The following RGS17 variants were observed in gnomAD, a reference collection of about 807,000 sequenced individuals.
RGS17 encodes regulator of G-protein signaling 17.
RGS17 carries 12 observed loss-of-function variants against 25.5 expected under a neutral mutation model. The observed-to-expected ratio is 0.47, with a 90% CI of 0.30 to 0.76. The LOEUF (loss-of-function observed/expected upper bound fraction) is 0.76, where lower values mean the gene tolerates loss of function less well. RGS17 is among the 30% of genes least tolerant of loss of function. The pLI is 0.07. For synonymous variants in RGS17, 71 were observed against 76.9 expected (o/e 0.92, Z 0.40); for missense variants, 196 against 242.2 (o/e 0.81, Z 1.27).
At chr6:153,038,988 A>C (rs1013152235) in intron 2 of RGS17, among the ~76,000 whole-genome samples, 7 of 152,216 alleles carry the variant, frequency 4.6e-5, no homozygotes, top group African/African-American at 1.7e-4. Flanking sequence ...AGCTTTCAAA[A>C]GGCTAGTTAA....
chr6:153,063,312 G>A (rs538956452), intron 1 of RGS17, among the ~76,000 whole-genome samples: 65 of 152,202 alleles, frequency 4.3e-4, no homozygotes, highest in Admixed American at 7.9e-4. Context: ...CAGTTTTGAG[G>A]AAACCCAAAG....
At chr6:153,078,581 T>C (rs918172115) in intron 1 of RGS17, among the ~76,000 whole-genome samples, 1 of 145,330 alleles carries the variant, frequency 6.9e-6, no homozygotes, top group Non-Finnish European at 1.5e-5. Flanking sequence ...CTTTTAAAAG[T>C]TGGTGTCATA....
chr6:153,055,455 G>T (rs1305459214), intron 1 of RGS17, among the ~76,000 whole-genome samples: 1 of 152,180 alleles, frequency 6.6e-6, no homozygotes, highest in Non-Finnish European at 1.5e-5. Context: ...TATAGAGGAA[G>T]AGTGTCAAAA....
rs1779067990 is a variant in RGS17, at chr6:153,005,656, C to G, written c.*5918G>C. 6.6e-6 allele frequency: 1 copy of G among 152,134 alleles called. No individual in the cohort carries two copies. Among genetic ancestry groups the G allele is most frequent in the African/African-American group, 2.4e-5 (1 of 41,416 alleles). 9.4% of individuals were successfully genotyped at this position (152,134 alleles called of 1,614,324 possible). On this transcript the variant is annotated 3_prime_UTR_variant, in exon 5 of 5. Coordinates refer to ENST00000206262, the MANE Select transcript of RGS17 (RefSeq NM_012419.5). Reference sequence around the variant, plus strand: ...TCTTTCAAAAACCAAAAACCTGTGTCTAGTCACGAGAAAAACATCAGACGA... The same window carrying G: ...TCTTTCAAAAACCAAAAACCTGTGTGTAGTCACGAGAAAAACATCAGACGA...
chr6:153,092,099 TA>T (rs1465201835), intron 1 of RGS17, among the ~76,000 whole-genome samples: 1 of 152,174 alleles, frequency 6.6e-6, no homozygotes, highest in African/African-American at 2.4e-5. Flanking sequence ...AGCCAATCAT[TA>T]AAAAAATTCC....
intron 1 of RGS17, among the ~76,000 whole-genome samples, chr6:153,050,077 G>C (rs571756260): frequency 1.3e-5 from 2 of 152,180 alleles, no homozygotes; most frequent in South Asian, 2.1e-4. Flanking sequence ...AAATGGTGTT[G>C]AGATATTTGC....
At position 153,115,029 on chromosome 6, in the gene RGS17, A is replaced by T. The variant is rs934656885; in HGVS notation, c.-26+16095T>A. Among the ~76,000 whole-genome samples, 8 of 152,348 alleles carry T rather than the reference A, an allele frequency of 5.3e-5. No homozygotes were observed. In the East Asian group the frequency reaches 1.5e-3, roughly 29 times the overall value. On this transcript the variant is annotated intron_variant, in intron 1 of 4. Transcript: ENST00000206262. ...CTTTGAAAACTGGCACAAGACAAGGATGCCCTCTCTCACCACTCCTATTCA... is the reference window on the plus strand; with the variant it reads ...CTTTGAAAACTGGCACAAGACAAGGTTGCCCTCTCTCACCACTCCTATTCA...
intron 1 of RGS17, among the ~76,000 whole-genome samples, chr6:153,058,710 C>T (rs1315475244): frequency 6.6e-6 from 1 of 152,144 alleles, no homozygotes; most frequent in East Asian, 1.9e-4. Context: ...ACGAATTTTT[C>T]CTGTGAGGAA....
At chr6:153,071,192 A>G (rs1776798135) in intron 1 of RGS17, among the ~76,000 whole-genome samples, 1 of 150,442 alleles carries the variant, frequency 6.6e-6, no homozygotes, top group South Asian at 2.3e-4. Context: ...TATATATATC[A>G]ATATATATAC....
intron 4 of RGS17, among the ~76,000 whole-genome samples, chr6:153,018,815 T>C (rs1368344316): frequency 1.3e-5 from 2 of 152,226 alleles, no homozygotes; most frequent in Non-Finnish European, 2.9e-5. Flanking sequence ...ATTTTTTGAA[T>C]GATAATATGC....
chr6:153,054,562 A>T (rs1463018560), intron 1 of RGS17, among the ~76,000 whole-genome samples: 1 of 151,868 alleles, frequency 6.6e-6, no homozygotes, highest in Non-Finnish European at 1.5e-5. Context: ...GAGGCAGGAG[A>T]ACTGCTTGAA....
At chr6:153,118,597 G>A (rs990905462) in intron 1 of RGS17, among the ~76,000 whole-genome samples, 2 of 151,792 alleles carry the variant, frequency 1.3e-5, no homozygotes, top group Non-Finnish European at 2.9e-5. Flanking sequence ...CAGGTTTTGT[G>A]GTACATTCAC....
In RGS17 at chr6:153,094,736, T is replaced by C. The variant is rs890332236; in HGVS notation, c.-26+36388A>G. Among the ~76,000 whole-genome samples, 4 of 152,204 alleles carry C rather than the reference T, an allele frequency of 2.6e-5. No homozygotes were observed. The East Asian group carries it at 7.7e-4, about 29-fold the overall frequency. ...GAAAGAATGGCAGGTGGTCTCAAAATAATTTTTTGGCTCTCTTTCTTTCTT... is the reference window on the plus strand; with the variant it reads ...GAAAGAATGGCAGGTGGTCTCAAAACAATTTTTTGGCTCTCTTTCTTTCTT... On this transcript the variant is annotated intron_variant, in intron 1 of 4. Transcript: ENST00000206262.
chr6:153,118,706 G>A (rs1192423542), intron 1 of RGS17, among the ~76,000 whole-genome samples: 1 of 150,560 alleles, frequency 6.6e-6, no homozygotes, highest in Non-Finnish European at 1.5e-5. Flanking sequence ...CAAACTTTTT[G>A]GAAATAGATG....
intron 1 of RGS17, among the ~76,000 whole-genome samples, chr6:153,103,242 AAGG>A (rs1310669565): frequency 6.6e-6 from 1 of 152,250 alleles, no homozygotes; most frequent in Non-Finnish European, 1.5e-5. Flanking sequence ...AACAGTGGTT[AAGG>A]AATAATGGGC....
intron 1 of RGS17, among the ~76,000 whole-genome samples, chr6:153,054,397 T>A (rs1307224104): frequency 6.6e-6 from 1 of 151,416 alleles, no homozygotes; most frequent in Non-Finnish European, 1.5e-5. Context: ...ATGCCTGAAA[T>A]CCCGCACTTT....
At chr6:153,034,134 C>T (rs1776202051) in intron 2 of RGS17, among the ~76,000 whole-genome samples, 1 of 152,096 alleles carries the variant, frequency 6.6e-6, no homozygotes, top group Non-Finnish European at 1.5e-5. Context: ...ATTCATCTAC[C>T]CATTCATCCT....
At chr6:153,101,196 T>C (rs949122982) in intron 1 of RGS17, among the ~76,000 whole-genome samples, 24 of 152,248 alleles carry the variant, frequency 1.6e-4, no homozygotes, top group African/African-American at 5.5e-4. Flanking sequence ...GAATACTCTA[T>C]ACAGTTGACC....
At chr6:153,113,373 A>G (rs886426054) in intron 1 of RGS17, among the ~76,000 whole-genome samples, 3 of 152,230 alleles carry the variant, frequency 2.0e-5, no homozygotes, top group Admixed American at 6.5e-5. Context: ...TGCCGCAAGA[A>G]GAGCTAACTA....
Sources: allele counts gnomAD v4.1 joint callset (sites outside exome capture counted in the v4.1 genomes callset), GRCh38; gene constraint gnomAD v4.1.1; transcripts MANE v1.5; gene names NCBI Gene and HGNC (gene_info 2026-07-23, HGNC 2026-07-21).